The following ERBB4 variants were observed in gnomAD, a reference collection of about 807,000 sequenced individuals.
ERBB4 encodes the protein erb-b2 receptor tyrosine kinase 4.
In ERBB4, 42 loss-of-function variants were observed where a neutral mutation model predicts 158.0. That is an observed-to-expected ratio of 0.27 (90% CI 0.21 to 0.34). The LOEUF (loss-of-function observed/expected upper bound fraction) is 0.34. Among genes scored for constraint, ERBB4 ranks in the 10% least tolerant of loss-of-function variants. The pLI, the probability that ERBB4 is intolerant of heterozygous loss-of-function variation, is 1.00. For missense variants in ERBB4, 1,333 were observed against 1,624.1 expected (o/e 0.82, Z 3.08); for synonymous variants, 583 against 558.7 (o/e 1.04, Z -0.61).
In ERBB4 at chr2:211,818,375, G is replaced by C. The variant is rs1047836516; in HGVS notation, c.422-30216C>G. Among the ~76,000 whole-genome samples, 19 of 152,058 alleles carry C rather than the reference G, an allele frequency of 1.2e-4. 1 individual carries two copies. The highest frequency in any genetic ancestry group is 2.8e-4 in the Non-Finnish European group (19 of 67,984). On this transcript the variant is annotated intron_variant, in intron 3 of 27. Coordinates refer to ENST00000342788, the MANE Select transcript of ERBB4 (RefSeq NM_005235.3). The stretch of plus-strand genomic sequence containing the variant: ...GAGAGATCAGATACAATATGGCAAG[G>C]AGTAAATTCTTTCTCAGGGTACTCT...
chr2:212,418,883 A>G (rs547133611), intron 1 of ERBB4, among the ~76,000 whole-genome samples: 2 of 152,000 alleles, frequency 1.3e-5, no homozygotes, highest in South Asian at 2.1e-4. Flanking sequence ...ATTAGATCCC[A>G]TTGACATGGT....
chr2:211,998,708 A>T (rs537047384), intron 2 of ERBB4, among the ~76,000 whole-genome samples: 7 of 152,016 alleles, frequency 4.6e-5, no homozygotes, highest in African/African-American at 1.7e-4. Flanking sequence ...GGCCAACCTC[A>T]TAGCTCTTTG....
chr2:212,191,067 T>C (rs1455610928), intron 1 of ERBB4, among the ~76,000 whole-genome samples: 1 of 151,912 alleles, frequency 6.6e-6, no homozygotes, highest in Non-Finnish European at 1.5e-5. Context: ...TAAACCACTG[T>C]ATAACTACCA....
At chr2:212,302,907 T>C (rs1478749725) in intron 1 of ERBB4, among the ~76,000 whole-genome samples, 1 of 150,950 alleles carries the variant, frequency 6.6e-6, no homozygotes, top group East Asian at 2.0e-4. Context: ...CAACAAGTAA[T>C]AGAGGAGATT....
intron 3 of ERBB4, among the ~76,000 whole-genome samples, chr2:211,861,438 C>T (rs548255715): frequency 6.8e-6 from 1 of 146,758 alleles, no homozygotes; most frequent in South Asian, 2.2e-4. Context: ...TCAAGTCATC[C>T]GTCATCCTCC....
intron 1 of ERBB4, among the ~76,000 whole-genome samples, chr2:212,536,951 G>A (rs1370220697): frequency 2.0e-5 from 3 of 152,144 alleles, no homozygotes; most frequent in Non-Finnish European, 2.9e-5. Context: ...GAGGCCGCTT[G>A]GAATGTCAAG....
chr2:212,159,942 A>G (rs2081154740), intron 1 of ERBB4, among the ~76,000 whole-genome samples: 1 of 151,996 alleles, frequency 6.6e-6, no homozygotes, highest in South Asian at 2.1e-4. Context: ...AAGGAAAAAC[A>G]TTATTTTTAG....
At chr2:212,076,135 A>C in intron 2 of ERBB4, among the ~76,000 whole-genome samples, 1 of 151,986 alleles carries the variant, frequency 6.6e-6, no homozygotes, top group East Asian at 1.9e-4. Flanking sequence ...CTATTATGTA[A>C]TTTAATTTAA....
At position 211,592,177 on chromosome 2, in the gene ERBB4, C is replaced by A. The variant is rs1235331103; in HGVS notation, c.2301+27000G>T. ...TAAGACTATTACAAGCTGCTAGACGCCCGGTAGACGCAGGGCTTTGGGCGT... is the reference window on the plus strand; with the variant it reads ...TAAGACTATTACAAGCTGCTAGACGACCGGTAGACGCAGGGCTTTGGGCGT... On this transcript the variant is annotated intron_variant, in intron 19 of 27. Transcript: ENST00000342788. Among the ~76,000 whole-genome samples, 7 of 95,484 alleles carry A rather than the reference C, an allele frequency of 7.3e-5. No individual in the cohort carries two copies. The Admixed American group carries it at 1.0e-3, about 14-fold the overall frequency. The allele number at this position is 95,484 out of a possible 152,430, so 62.6% of individuals were successfully genotyped here. A position where few individuals can be genotyped will look rare whatever the true frequency, so the allele number is the denominator to read the frequency against.
At position 211,968,747 on chromosome 2, in the gene ERBB4, T is replaced by A. The variant is rs10183228; in HGVS notation, c.235-21131A>T. 9.7e-3 allele frequency among the ~76,000 whole-genome samples: 1,476 copies of A among 152,092 alleles called. 27 individuals are homozygous for A. Among genetic ancestry groups the A allele is most frequent in the African/African-American group, 0.034 (1,410 of 41,550 alleles). On this transcript the variant is annotated intron_variant, in intron 2 of 27. Transcript: ENST00000342788. ...AATGAGTCACTTCTTACATTATGCA[T>A]TTTCTTCTTTTTTATTTCAGCCATA...
At chr2:212,398,428 A>G (rs1257089085) in intron 1 of ERBB4, among the ~76,000 whole-genome samples, 1 of 152,156 alleles carries the variant, frequency 6.6e-6, no homozygotes, top group Non-Finnish European at 1.5e-5. Context: ...CTCTGAAAAC[A>G]TAATAAAATT....
intron 2 of ERBB4, among the ~76,000 whole-genome samples, chr2:211,952,359 G>A (rs2080895903): frequency 6.6e-6 from 1 of 152,120 alleles, no homozygotes; most frequent in East Asian, 1.9e-4. Context: ...AGTAAATAAC[G>A]TGGTTTGAGA....
chr2:211,966,767 G>C (rs1048299287), intron 2 of ERBB4, among the ~76,000 whole-genome samples: 1 of 152,004 alleles, frequency 6.6e-6, no homozygotes, highest in Non-Finnish European at 1.5e-5. Flanking sequence ...ATAGCCTTTA[G>C]AACACATTTT....
intron 25 of ERBB4, among the ~76,000 whole-genome samples, chr2:211,403,817 C>T (rs1230664538): frequency 6.6e-6 from 1 of 151,884 alleles, no homozygotes; most frequent in African/African-American, 2.4e-5. Context: ...TTTATTTTTC[C>T]AGCATGGGCT....
intron 20 of ERBB4, among the ~76,000 whole-genome samples, chr2:211,461,301 A>G (rs1001954643): frequency 2.0e-5 from 3 of 152,196 alleles, no homozygotes; most frequent in African/African-American, 4.8e-5. Context: ...TATTTATATT[A>G]TTATCAATAC....
chr2:211,435,576 TA>T (rs1415821614), intron 20 of ERBB4, among the ~76,000 whole-genome samples: 1 of 152,182 alleles, frequency 6.6e-6, no homozygotes, highest in Non-Finnish European at 1.5e-5. Context: ...CGAGCCAGCA[TA>T]ACTGCCAGAG....
chr2:211,724,519 C>T (rs538420764), intron 6 of ERBB4, among the ~76,000 whole-genome samples: 57 of 151,774 alleles, frequency 3.8e-4, no homozygotes, highest in African/African-American at 1.3e-3. Flanking sequence ...TTAAATACAA[C>T]TCAAAATTGC....
intron 5 of ERBB4, among the ~76,000 whole-genome samples, chr2:211,746,827 CAAA>C (rs11332306): frequency 3.8e-5 from 4 of 105,716 alleles, no homozygotes; most frequent in Non-Finnish European, 4.2e-5. Flanking sequence ...GAGACTGTCT[CAAA>C]AAAAAAAAAA....
chr2:212,281,020 T>C (rs145344008), intron 1 of ERBB4, among the ~76,000 whole-genome samples: 2,629 of 151,852 alleles, frequency 0.017, 81 homozygotes, highest in African/African-American at 0.06. Flanking sequence ...AAGAAAATTT[T>C]TTTTGTAAAG....
Sources: allele counts gnomAD v4.1 joint callset (sites outside exome capture counted in the v4.1 genomes callset), GRCh38; gene constraint gnomAD v4.1.1; transcripts MANE v1.5; gene names NCBI Gene and HGNC (gene_info 2026-07-23, HGNC 2026-07-21).